Variants in KRTAP12-1 observed in about 807,000 individuals in gnomAD.
KRTAP12-1 encodes keratin-associated protein 12-1.
For synonymous variants in KRTAP12-1, 56 were observed against 58.8 expected, an observed-to-expected ratio of 0.95 and a Z score of 0.22; for missense variants, 109 against 127.2, an observed-to-expected ratio of 0.86 and a Z score of 0.69.
rs1270804710 is a variant in KRTAP12-1 at position 44,681,590 on chromosome 21, C to T, written c.*243G>A. On this transcript the variant is annotated 3_prime_UTR_variant, in exon 1 of 1. Coordinates refer to ENST00000391617, the MANE Select transcript of KRTAP12-1 (RefSeq NM_181686.2). ...GAAACGCAGAGTTGCATGGGGAAAG[C>T]TGGTTTATTTGACTCTCATGGGGTC... The T allele has an allele frequency of 4.1e-6, 2 of 486,724 alleles. No individual in the cohort carries two copies. Among genetic ancestry groups the T allele is most frequent in the African/African-American group, 3.8e-5 (2 of 52,050 alleles). The allele number at this position is 486,724 out of a possible 1,614,324, so 30.2% of individuals were successfully genotyped here.
Position 44,682,144 on chromosome 21 carries a change from G to C in KRTAP12-1, c.-21C>G. ...CACATGGTGGCGTGTGGCTGGATAA[G>C]GTCGAGGCAGAGGGCAGTGATGTCT... On this transcript the variant is annotated 5_prime_UTR_variant, in exon 1 of 1. Transcript: ENST00000391617. 1 of 1,610,656 alleles carries C rather than the reference G, an allele frequency of 6.2e-7. No homozygotes were observed. The highest frequency in any genetic ancestry group is 8.5e-7 in the Non-Finnish European group (1 of 1,177,766).
In KRTAP12-1 at chr21:44,681,766, A is replaced by G. The variant is rs182669045; in HGVS notation, c.*67T>C. The G allele has an allele frequency of 4.2e-3, 6,358 of 1,529,848 alleles. 16 individuals are homozygous for G. The highest frequency in any genetic ancestry group is 5.2e-3 in the Non-Finnish European group (5,916 of 1,132,018). 94.8% of individuals were successfully genotyped at this position (1,529,848 alleles called of 1,614,324 possible). Reference sequence around the variant, plus strand: ...ACCATGTGCAGAAGACCAACTGAGGACTCATCCAGGGAGTGTACAGGTGTG... The same window carrying G: ...ACCATGTGCAGAAGACCAACTGAGGGCTCATCCAGGGAGTGTACAGGTGTG... On this transcript the variant is annotated 3_prime_UTR_variant, in exon 1 of 1. Coordinates refer to ENST00000391617, the MANE Select transcript of KRTAP12-1 (RefSeq NM_181686.2).
rs782539058 is a variant in KRTAP12-1, at chr21:44,681,892, G to T, written c.232C>A (p.Pro78Thr). 6.2e-7 allele frequency: 1 copy of T among 1,614,148 alleles called. No homozygotes were observed. The highest frequency in any genetic ancestry group is 8.5e-7 in the Non-Finnish European group (1 of 1,180,008). ...PSCQSSGCCQPSCTSVLCRPI... is the reference protein window; with the variant it reads ...PSCQSSGCCQTSCTSVLCRPI... ...CTGCAGAGGACGCTGGTGCAGGAAG[G>T]CTGGCAGCACCCAGAGGACTGGCAG... The change falls in exon 1 of 1, where the codon CCT (proline) becomes ACT (threonine). Residue 78 changes from proline to threonine, a missense_variant. Physicochemically the swap from Pro to Thr is conservative, Grantham distance 38. Coordinates refer to ENST00000391617, the MANE Select transcript of KRTAP12-1 (RefSeq NM_181686.2).
chr21:44,682,103 G>A lies in KRTAP12-1; in HGVS notation c.21C>T (p.Ser7=). MCHTSC[S]SGCQPACCAP... ...CGCAGCAGGCTGGCTGGCAGCCCGA[G>A]GAGCAGCTGGTGTGGCACATGGTGG... The change falls in exon 1 of 1, where the codon TCC becomes TCT. Residue 7 remains serine (S), a synonymous_variant. Transcript: ENST00000391617. 15 of 1,613,828 alleles carry A rather than the reference G, an allele frequency of 9.3e-6. No homozygotes were observed. Among genetic ancestry groups the A allele is most frequent in the Non-Finnish European group, 1.3e-5 (15 of 1,179,844 alleles).
chr21:44,681,892 G>C lies in KRTAP12-1; in HGVS notation c.232C>G (p.Pro78Ala), dbSNP rs782539058. The change falls in exon 1 of 1, where the codon CCT becomes GCT. Residue 78 changes from proline to alanine, a missense_variant. By Grantham distance (27) the Pro-to-Ala change is conservative. Coordinates refer to ENST00000391617, the MANE Select transcript of KRTAP12-1 (RefSeq NM_181686.2). Reference protein sequence around the residue: ...PSCQSSGCCQPSCTSVLCRPI... With the variant: ...PSCQSSGCCQASCTSVLCRPI... ...CTGCAGAGGACGCTGGTGCAGGAAGGCTGGCAGCACCCAGAGGACTGGCAG... is the reference window on the plus strand; with the variant it reads ...CTGCAGAGGACGCTGGTGCAGGAAGCCTGGCAGCACCCAGAGGACTGGCAG... 2 of 1,614,148 alleles carry C rather than the reference G, an allele frequency of 1.2e-6. No homozygotes were observed. Among genetic ancestry groups the C allele is most frequent in the Non-Finnish European group, 1.7e-6 (2 of 1,180,008 alleles).
In KRTAP12-1 at chr21:44,681,925, C is replaced by T. The variant is rs782598193; in HGVS notation, c.199G>A (p.Ala67Thr). Residue 67 changes from alanine (A) to threonine (T), a missense_variant, in exon 1 of 1, where the codon GCT (alanine) becomes ACT (threonine). Ala to Thr is a moderately conservative substitution (Grantham distance 58). Coordinates refer to ENST00000391617, the MANE Select transcript of KRTAP12-1 (RefSeq NM_181686.2). ...PVSCRPVVYA[A>T]PSCQSSGCCQ... ...CACCCAGAGGACTGGCAGGAGGGAG[C>T]CGCATACACGACGGGCCTGCAGCTC... 8.7e-6 allele frequency: 14 copies of T among 1,613,894 alleles called. No homozygotes were observed. Among genetic ancestry groups the T allele is most frequent in the East Asian group, 2.2e-5 (1 of 44,886 alleles).
Position 44,681,962 on chromosome 21 carries a change from C to T in KRTAP12-1, c.162G>A (p.Val54=), listed in dbSNP as rs375391178. The part of the protein sequence containing the change: ...VCVPVRCQSS[V]CVPVSCRPVV... ...CGGGCCTGCAGCTCACGGGCACGCA[C>T]ACAGAGGACTGGCATCTCACGGGCA... is the stretch of plus-strand genomic sequence containing the variant. The change falls in exon 1 of 1, where the codon GTG becomes GTA. Residue 54 remains valine, a synonymous_variant. Coordinates refer to ENST00000391617, the MANE Select transcript of KRTAP12-1 (RefSeq NM_181686.2). 65 of 1,613,848 alleles carry T rather than the reference C, an allele frequency of 4.0e-5. No individual in the cohort carries two copies. In the African/African-American group the frequency reaches 6.1e-4, roughly 15 times the overall value.
chr21:44,682,074 G>A lies in KRTAP12-1; in HGVS notation c.50C>T (p.Pro17Leu). The change falls in exon 1 of 1, where the codon CCC (proline) becomes CTC (leucine). Residue 17 changes from proline to leucine, a missense_variant. Coordinates refer to ENST00000391617, the MANE Select transcript of KRTAP12-1 (RefSeq NM_181686.2). ...SSGCQPACCA[P>L]SPCQASCYIP... is the part of the protein sequence containing the mutation. ...GTAACAGGATGCCTGGCAGGGGCTG[G>A]GCGCGCAGCAGGCTGGCTGGCAGCC... 2 of 1,614,008 alleles carry A rather than the reference G, an allele frequency of 1.2e-6. No homozygotes were observed. The highest frequency in any genetic ancestry group is 1.3e-5 in the African/African-American group (1 of 75,050).
rs1986607005 is a variant in KRTAP12-1, at chr21:44,681,843, G to A, written c.281C>T (p.Ser94Phe). The part of the protein sequence containing the change: ...LCRPISCSTP[S>F]CC Reference sequence around the variant, plus strand: ...TCTGGAGATTCATGCTCAGCAGCAGGAAGGGGTGCTGCAGGAGATGGGTCT... The same window carrying A: ...TCTGGAGATTCATGCTCAGCAGCAGAAAGGGGTGCTGCAGGAGATGGGTCT... Residue 94 changes from serine (S) to phenylalanine (F), a missense_variant, in exon 1 of 1, where the codon TCC becomes TTC. By Grantham distance (155) the Ser-to-Phe change is radical (BLOSUM62 -2). Transcript: ENST00000391617. The A allele has an allele frequency of 6.2e-7, 1 of 1,610,992 alleles. No individual in the cohort carries two copies.
At position 44,681,937 on chromosome 21, in the gene KRTAP12-1, C is replaced by T. The variant is rs376423915; in HGVS notation, c.187G>A (p.Val63Ile). ...SVCVPVSCRP[V>I]VYAAPSCQSS... ...TGGCAGGAGGGAGCCGCATACACGA[C>T]GGGCCTGCAGCTCACGGGCACGCAC... The change falls in exon 1 of 1, where the codon GTC (valine) becomes ATC (isoleucine). Residue 63 changes from valine (V) to isoleucine (I), a missense_variant. Val to Ile is a conservative substitution (Grantham distance 29). Transcript: ENST00000391617. 19 of 1,614,028 alleles carry T rather than the reference C, an allele frequency of 1.2e-5. No individual in the cohort carries two copies. The highest frequency in any genetic ancestry group is 8.9e-5 in the East Asian group (4 of 44,898).
At position 44,682,141 on chromosome 21, in the gene KRTAP12-1, T is replaced by C; in HGVS notation, c.-18A>G. The C allele has an allele frequency of 6.2e-7, 1 of 1,611,688 alleles. No homozygotes were observed. On this transcript the variant is annotated 5_prime_UTR_variant, in exon 1 of 1. Coordinates refer to ENST00000391617, the MANE Select transcript of KRTAP12-1 (RefSeq NM_181686.2). ...TGGCACATGGTGGCGTGTGGCTGGA[T>C]AAGGTCGAGGCAGAGGGCAGTGATG...
At position 44,681,898 on chromosome 21, in the gene KRTAP12-1, A is replaced by G; in HGVS notation, c.226T>C (p.Cys76Arg). ...AAPSCQSSGC[C>R]QPSCTSVLCR... ...AGGACGCTGGTGCAGGAAGGCTGGC[A>G]GCACCCAGAGGACTGGCAGGAGGGA... Residue 76 changes from cysteine to arginine, a missense_variant, in exon 1 of 1, where the codon TGC becomes CGC. Coordinates refer to ENST00000391617, the MANE Select transcript of KRTAP12-1 (RefSeq NM_181686.2). 1 of 1,614,166 alleles carries G rather than the reference A, an allele frequency of 6.2e-7. No individual in the cohort carries two copies. The highest frequency in any genetic ancestry group is 8.5e-7 in the Non-Finnish European group (1 of 1,180,016).
At position 44,681,890 on chromosome 21, in the gene KRTAP12-1, A is replaced by G. The variant is rs370089051; in HGVS notation, c.234T>C (p.Pro78=). 5.3e-5 allele frequency: 85 copies of G among 1,614,014 alleles called. No homozygotes were observed. The Admixed American group carries it at 5.5e-4, about 10-fold the overall frequency. ...GTCTGCAGAGGACGCTGGTGCAGGA[A>G]GGCTGGCAGCACCCAGAGGACTGGC... The part of the protein sequence containing the change: ...PSCQSSGCCQ[P]SCTSVLCRPI... Residue 78 remains proline, a synonymous_variant, in exon 1 of 1, where the codon CCT becomes CCC. Transcript: ENST00000391617.
Position 44,681,776 on chromosome 21 carries a change from G to A in KRTAP12-1, c.*57C>T. On this transcript the variant is annotated 3_prime_UTR_variant, in exon 1 of 1. Transcript: ENST00000391617. The stretch of plus-strand genomic sequence containing the variant: ...GAAGACCAACTGAGGACTCATCCAG[G>A]GAGTGTACAGGTGTGGCCTCATCTG... 1 of 1,555,506 alleles carries A rather than the reference G, an allele frequency of 6.4e-7. No individual in the cohort carries two copies. Among genetic ancestry groups the A allele is most frequent in the Non-Finnish European group, 8.7e-7 (1 of 1,146,110 alleles).
Position 44,682,079 on chromosome 21 carries a change from G to C in KRTAP12-1, c.45C>G (p.Cys15Trp). 1 of 1,613,938 alleles carries C rather than the reference G, an allele frequency of 6.2e-7. No individual in the cohort carries two copies. The highest frequency in any genetic ancestry group is 1.1e-5 in the South Asian group (1 of 91,058). ...SCSSGCQPAC[C>W]APSPCQASCY... is the part of the protein sequence containing the mutation. ...AGGATGCCTGGCAGGGGCTGGGCGC[G>C]CAGCAGGCTGGCTGGCAGCCCGAGG... Residue 15 changes from cysteine (C) to tryptophan (W), a missense_variant, in exon 1 of 1, where the codon TGC becomes TGG. Coordinates refer to ENST00000391617, the MANE Select transcript of KRTAP12-1 (RefSeq NM_181686.2).
chr21:44,682,092 T>TGGCA, the KRTAP12-1 span: 1 of 1,613,886 alleles, frequency 6.2e-7, no homozygotes, highest in African/African-American at 1.3e-5. Flanking sequence ...GCAGGCTGGC[T>TGGCA]GGCAGCCCGA....
Position 44,682,130 on chromosome 21 carries a change from G to C in KRTAP12-1, c.-7C>G, listed in dbSNP as rs782552535. ...AGCAGCTGGTGTGGCACATGGTGGC[G>C]TGTGGCTGGATAAGGTCGAGGCAGA... On this transcript the variant is annotated 5_prime_UTR_variant, in exon 1 of 1. Coordinates refer to ENST00000391617, the MANE Select transcript of KRTAP12-1 (RefSeq NM_181686.2). The C allele has an allele frequency of 6.2e-7, 1 of 1,613,124 alleles. No homozygotes were observed. The highest frequency in any genetic ancestry group is 1.7e-5 in the Admixed American group (1 of 59,978).
In KRTAP12-1 at chr21:44,681,633, C is replaced by T; in HGVS notation, c.*200G>A. On this transcript the variant is annotated 3_prime_UTR_variant, in exon 1 of 1. Coordinates refer to ENST00000391617, the MANE Select transcript of KRTAP12-1 (RefSeq NM_181686.2). ...ATGGGGTCAGAGAATGACTCTGGGA[C>T]CCCAGACTTCCCTGGGGGGATAGGC... 3.2e-6 allele frequency: 2 copies of T among 627,958 alleles called. No individual in the cohort carries two copies. Among genetic ancestry groups the T allele is most frequent in the South Asian group, 3.1e-5 (1 of 32,340 alleles). The allele number at this position is 627,958 out of a possible 1,614,324, so 38.9% of individuals were successfully genotyped here.
In KRTAP12-1 at chr21:44,682,047, A is replaced by T. The variant is rs782449100; in HGVS notation, c.77T>A (p.Ile26Asn). The T allele has an allele frequency of 6.2e-7, 1 of 1,613,996 alleles. No individual in the cohort carries two copies. Among genetic ancestry groups the T allele is most frequent in the Admixed American group, 1.7e-5 (1 of 60,020 alleles). ...APSPCQASCY[I>N]PVGCQSSVCV... is the part of the protein sequence containing the mutation. The stretch of plus-strand genomic sequence containing the variant: ...CACGGAGGACTGGCAGCCCACGGGG[A>T]TGTAACAGGATGCCTGGCAGGGGCT... The change falls in exon 1 of 1, where the codon ATC becomes AAC. Residue 26 changes from isoleucine (I) to asparagine (N), a missense_variant. Physicochemically the swap from Ile to Asn is moderately radical, Grantham distance 149. Transcript: ENST00000391617.
Sources: allele counts gnomAD v4.1 joint callset, GRCh38; gene constraint gnomAD v4.1.1; transcripts MANE v1.5; gene names NCBI Gene and HGNC (gene_info 2026-07-23, HGNC 2026-07-21).